The following GRK4 variants were observed in gnomAD, a reference collection of about 807,000 sequenced individuals.
The protein encoded by GRK4 is G protein-coupled receptor kinase 4, also known as G protein-coupled receptor kinase 2-like.
In GRK4, 73 loss-of-function variants were observed where a neutral mutation model predicts 77.9. The observed-to-expected ratio is 0.94, with a 90% CI of 0.78 to 1.14. The LOEUF (loss-of-function observed/expected upper bound fraction) is 1.14, where lower values mean the gene tolerates loss of function less well. Ranked by LOEUF, GRK4 falls within the 50% of genes most tolerant of loss-of-function variation. The probability of loss-of-function intolerance (pLI) is 0.00; values close to 1 mark genes in which losing one functional copy is unlikely to be tolerated. For synonymous variants in GRK4, 257 were observed against 254.4 expected, an observed-to-expected ratio of 1.01 and a Z score of -0.10; for missense variants, 729 against 700.2, an observed-to-expected ratio of 1.04 and a Z score of -0.46.
intron 11 of GRK4, among the ~76,000 whole-genome samples, chr4:3,028,489 G>A (rs1353255994): frequency 3.3e-5 from 5 of 152,180 alleles, no homozygotes; most frequent in Non-Finnish European, 7.3e-5. Context: ...ACTGCCCTGG[G>A]ATAGATGGCA....
intron 1 of GRK4, among the ~76,000 whole-genome samples, chr4:2,964,553 G>C (rs1192823820): frequency 6.6e-6 from 1 of 152,132 alleles, no homozygotes; most frequent in East Asian, 1.9e-4. Context: ...TACTCTGGGC[G>C]AGAACCTTCC....
intron 4 of GRK4, among the ~76,000 whole-genome samples, chr4:2,996,973 A>C (rs1467049686): frequency 6.6e-6 from 1 of 152,210 alleles, no homozygotes; most frequent in Non-Finnish European, 1.5e-5. Flanking sequence ...TAATCCCAGC[A>C]CTTTGGGAGG....
intron 1 of GRK4, among the ~76,000 whole-genome samples, chr4:2,970,242 T>C (rs969090010): frequency 6.6e-6 from 1 of 152,212 alleles, no homozygotes; most frequent in Non-Finnish European, 1.5e-5. Flanking sequence ...ATTTTCTACT[T>C]TGTCTATCTA....
intron 4 of GRK4, among the ~76,000 whole-genome samples, chr4:2,998,512 G>A (rs1728616035): frequency 6.6e-6 from 1 of 151,952 alleles, no homozygotes; most frequent in Non-Finnish European, 1.5e-5. Context: ...GTCTGGTAAG[G>A]CTGCAAGATA....
chr4:3,009,589 T>C lies in GRK4; in HGVS notation c.537-59T>C, dbSNP rs1411158706. On this transcript the variant is annotated intron_variant, in intron 6 of 15. Transcript: ENST00000398052. ...GCGAAGACAAGCGCTGAGTAAACTT[T>C]TCTTTTTTAAAAGAACAATGCAATG... is the stretch of plus-strand genomic sequence containing the variant. 3 of 1,344,970 alleles carry C rather than the reference T, an allele frequency of 2.2e-6. No homozygotes were observed. The South Asian group carries it at 3.5e-5, about 16-fold the overall frequency. The allele number at this position is 1,344,970 out of a possible 1,614,324, so 83.3% of individuals were successfully genotyped here.
intron 8 of GRK4, among the ~76,000 whole-genome samples, chr4:3,019,238 A>G (rs1735408262): frequency 6.6e-6 from 1 of 152,208 alleles, no homozygotes; most frequent in Non-Finnish European, 1.5e-5. Context: ...GACAGCACAA[A>G]ATGTTGGAAG....
At chr4:3,018,221 A>G (rs769686266) in intron 8 of GRK4, among the ~76,000 whole-genome samples, 13 of 152,128 alleles carry the variant, frequency 8.5e-5, no homozygotes, top group South Asian at 2.1e-4. Context: ...ACAACTCATT[A>G]TTTTCGAACA....
intron 3 of GRK4, among the ~76,000 whole-genome samples, chr4:2,991,532 G>A (rs1414645551): frequency 1.3e-5 from 2 of 151,998 alleles, no homozygotes; most frequent in Non-Finnish European, 2.9e-5. Flanking sequence ...TGTTTTTGAG[G>A]CTGAGTCTTG....
rs570667216 is a variant in GRK4, at chr4:2,996,282, C to T, written c.339+3990C>T. On this transcript the variant is annotated intron_variant, in intron 4 of 15. Coordinates refer to ENST00000398052, the MANE Select transcript of GRK4 (RefSeq NM_182982.3). ...TCTTAAATGCCTCTTAGGCCGGGCG[C>T]GGTGGCTCACGCCTGTAATCCCAGC... Among the ~76,000 whole-genome samples, 21 of 152,182 alleles carry T rather than the reference C, an allele frequency of 1.4e-4. No homozygotes were observed. The South Asian group carries it at 4.4e-3, about 32-fold the overall frequency.
intron 1 of GRK4, chr4:2,965,215 CT>C: frequency 2.9e-6 from 2 of 695,084 alleles, no homozygotes; most frequent in Non-Finnish European, 5.3e-6. Context: ...AAATATCCTC[CT>C]GTTTTCACCC....
intron 4 of GRK4, among the ~76,000 whole-genome samples, chr4:2,992,951 T>C (rs1419191133): frequency 6.6e-6 from 1 of 152,208 alleles, no homozygotes; most frequent in Non-Finnish European, 1.5e-5. Context: ...ACTGCTATGC[T>C]CTAGCCTGGA....
chr4:2,971,582 A>T (rs1316753477), intron 1 of GRK4, among the ~76,000 whole-genome samples: 1 of 152,216 alleles, frequency 6.6e-6, no homozygotes, highest in African/African-American at 2.4e-5. Flanking sequence ...CAGGAATAGC[A>T]GGAAGAAGAA....
At chr4:2,973,812 C>A (rs1178968291) in intron 1 of GRK4, among the ~76,000 whole-genome samples, 3 of 152,160 alleles carry the variant, frequency 2.0e-5, no homozygotes, top group Non-Finnish European at 4.4e-5. Context: ...TGTGTCGGCC[C>A]CTCCTCTGAA....
At chr4:2,982,294 G>A (rs552666460) in intron 1 of GRK4, among the ~76,000 whole-genome samples, 16 of 152,372 alleles carry the variant, frequency 1.1e-4, no homozygotes, top group Middle Eastern at 3.4e-3. Flanking sequence ...CTGCCTCGCT[G>A]CTTGGATCCT....
At chr4:2,979,794 T>C (rs1378345289) in intron 1 of GRK4, among the ~76,000 whole-genome samples, 14 of 152,308 alleles carry the variant, frequency 9.2e-5, no homozygotes, top group South Asian at 4.1e-4. Context: ...TAGCTGGATC[T>C]CTTGAGTCCA....
At chr4:3,029,543 C>G (rs1738553769) in intron 12 of GRK4, 134 bp downstream of exon 12, 1 of 698,974 alleles carries the variant, frequency 1.4e-6, no homozygotes, top group Non-Finnish European at 2.4e-6. Context: ...AGGCCCTGCC[C>G]CTGCCCCTGC....
At chr4:3,032,448 C>T (rs1242962743) in intron 12 of GRK4, among the ~76,000 whole-genome samples, 1 of 152,130 alleles carries the variant, frequency 6.6e-6, no homozygotes, top group African/African-American at 2.4e-5. Context: ...AAAGAAAAAG[C>T]AGAATGCATA....
chr4:3,037,484 G>C lies in GRK4; in HGVS notation c.1518G>C (p.Gly506=). The C allele has an allele frequency of 6.2e-7, 1 of 1,608,818 alleles. No homozygotes were observed. The highest frequency in any genetic ancestry group is 8.5e-7 in the Non-Finnish European group (1 of 1,175,576). Residue 506 remains glycine, a synonymous_variant, in exon 14 of 16, where the codon GGG becomes GGC. Transcript: ENST00000398052. The part of the protein sequence containing the change: ...DEDFYARFAT[G]CVSIPWQNEM... ...ACTTCTATGCTCGGTTTGCTACCGGGTGTGTCTCCATCCCCTGGCAGAATG... is the reference window on the plus strand; with the variant it reads ...ACTTCTATGCTCGGTTTGCTACCGGCTGTGTCTCCATCCCCTGGCAGAATG...
chr4:3,035,576 A>C, intron 13 of GRK4, 53 bp downstream of exon 13: 1 of 1,537,998 alleles, frequency 6.5e-7, no homozygotes, highest in African/African-American at 1.4e-5. Context: ...TCCGCACAGC[A>C]CGGTTTTTCT....
Sources: allele counts gnomAD v4.1 joint callset (sites outside exome capture counted in the v4.1 genomes callset), GRCh38; gene constraint gnomAD v4.1.1; transcripts MANE v1.5; gene names NCBI Gene and HGNC (gene_info 2026-07-23, HGNC 2026-07-21).